PTK2: variants seen among roughly 807,000 people sequenced by gnomAD.
PTK2 encodes the protein focal adhesion kinase 1.
Under a neutral mutation model 150.1 loss-of-function variants are expected in PTK2, and 45 were observed. That is an observed-to-expected ratio of 0.30 (90% confidence interval 0.24 to 0.38). The LOEUF (loss-of-function observed/expected upper bound fraction) is 0.38, where lower values mean the gene tolerates loss of function less well. Ranked by LOEUF, PTK2 falls within the 10% of genes least tolerant of loss-of-function variation. The pLI is 1.00. For synonymous variants in PTK2, 432 were observed against 449.2 expected (o/e 0.96, Z 0.48); for missense variants, 919 against 1,307.3 (o/e 0.70, Z 4.58).
intron 1 of PTK2, among the ~76,000 whole-genome samples, chr8:140,930,753 A>T (rs912124470): frequency 6.6e-6 from 1 of 152,180 alleles, no homozygotes; most frequent in South Asian, 2.1e-4. Flanking sequence ...CCTGCATGGT[A>T]TATTTGCTGT....
intron 1 of PTK2, among the ~76,000 whole-genome samples, chr8:141,000,407 GC>G (rs944828315): frequency 6.6e-6 from 1 of 152,200 alleles, no homozygotes; most frequent in African/African-American, 2.4e-5. Context: ...ACCCTTGGCT[GC>G]CCGCGAGGCC....
intron 3 of PTK2, among the ~76,000 whole-genome samples, chr8:140,880,009 T>C (rs1463676552): frequency 2.0e-5 from 3 of 152,198 alleles, no homozygotes; most frequent in South Asian, 2.1e-4. Context: ...GTTACTACTT[T>C]CTAAGGTCCA....
chr8:140,820,094 T>G (rs1018332048), intron 8 of PTK2, among the ~76,000 whole-genome samples: 1 of 82,252 alleles, frequency 1.2e-5, no homozygotes, highest in Non-Finnish European at 2.3e-5. Context: ...TTTTTTTTTT[T>G]TTTTTTTTTT....
intron 4 of PTK2, among the ~76,000 whole-genome samples, chr8:140,866,610 C>T (rs72683787): frequency 0.069 from 10,448 of 152,206 alleles, 486 homozygotes; most frequent in Non-Finnish European, 0.092. Context: ...ACACAAAACA[C>T]CCAGAACAGT....
exon 24 of PTK2, chr8:140,706,177 C>G: frequency 6.2e-7 from 1 of 1,613,534 alleles, no homozygotes; most frequent in Non-Finnish European, 8.5e-7. Context: ...TTCGCTGGAC[C>G]TCGGACTGGG....
intron 1 of PTK2, among the ~76,000 whole-genome samples, chr8:140,996,849 A>G (rs2100197968): frequency 6.6e-6 from 1 of 152,228 alleles, no homozygotes; most frequent in South Asian, 2.1e-4. Flanking sequence ...TGTTAACACC[A>G]CATCCATTCT....
At chr8:140,965,603 G>A (rs1004745103) in intron 1 of PTK2, among the ~76,000 whole-genome samples, 4 of 152,160 alleles carry the variant, frequency 2.6e-5, no homozygotes, top group Admixed American at 6.6e-5. Context: ...TAGGCCAGGC[G>A]TGGTGGCTCA....
chr8:140,746,396 A>G (rs1405401002), intron 18 of PTK2: 3 of 171,236 alleles, frequency 1.8e-5, no homozygotes, highest in Non-Finnish European at 3.7e-5. Flanking sequence ...ACTTACCTAA[A>G]TTTAGCATTA....
chr8:140,943,986 G>A (rs1487585699), intron 1 of PTK2, among the ~76,000 whole-genome samples: 4 of 152,068 alleles, frequency 2.6e-5, no homozygotes, highest in Non-Finnish European at 1.5e-5. Flanking sequence ...TGAAGTGTTT[G>A]TATATTTTGT....
intron 24 of PTK2, among the ~76,000 whole-genome samples, chr8:140,704,643 G>C (rs906473180): frequency 6.6e-6 from 1 of 152,034 alleles, no homozygotes; most frequent in Admixed American, 6.6e-5. Flanking sequence ...GCACAGACTC[G>C]GGCTGTTCCC....
chr8:140,836,271 G>C (rs2100118608), intron 7 of PTK2, among the ~76,000 whole-genome samples: 1 of 152,090 alleles, frequency 6.6e-6, no homozygotes, highest in Non-Finnish European at 1.5e-5. Flanking sequence ...TTCACTTATA[G>C]TTTCCAGGAA....
In PTK2 at chr8:140,800,449, A is replaced by G. The variant is rs758057373; in HGVS notation, c.1093+10T>C. ...AGCGCAATTGGGAATGCTCAGAAAC[A>G]GCACCTCACCTTTCTGAGGTCTGAT... On this transcript the variant is annotated intron_variant, in intron 12 of 31. Transcript: ENST00000522684. 2 of 1,595,402 alleles carry G rather than the reference A, an allele frequency of 1.3e-6. No homozygotes were observed. The highest frequency in any genetic ancestry group is 2.2e-5 in the East Asian group (1 of 44,800).
At chr8:140,692,087 C>T (rs575919045) in intron 26 of PTK2, among the ~76,000 whole-genome samples, 3 of 152,270 alleles carry the variant, frequency 2.0e-5, no homozygotes, top group Non-Finnish European at 4.4e-5. Flanking sequence ...TTTCCATATA[C>T]ATTTCATGAA....
At position 140,745,567 on chromosome 8, in the gene PTK2, G is replaced by A. The variant is rs143339529; in HGVS notation, c.1519-800C>T. Among the ~76,000 whole-genome samples, 6 of 152,146 alleles carry A rather than the reference G, an allele frequency of 3.9e-5. No homozygotes were observed. In the East Asian group the frequency reaches 5.8e-4, roughly 15 times the overall value. On this transcript the variant is annotated intron_variant, in intron 18 of 31. Transcript: ENST00000522684. Reference sequence around the variant, plus strand: ...TGATGAAATCACACAATGCTCCCCCGGCCCAGTGTTTGATTCAGCAGGCCT... The same window carrying A: ...TGATGAAATCACACAATGCTCCCCCAGCCCAGTGTTTGATTCAGCAGGCCT...
At chr8:140,676,775 A>AAAAAAAAAAT (rs2100014077) in intron 27 of PTK2, among the ~76,000 whole-genome samples, 2 of 143,524 alleles carry the variant, frequency 1.4e-5, no homozygotes, top group South Asian at 4.4e-4. Context: ...TAAAAAAAAA[A>AAAAAAAAAAT]AAAAAAAAAA....
At position 140,680,825 on chromosome 8, in the gene PTK2, C is replaced by T. The variant is rs183866811; in HGVS notation, c.2563-5326G>A. 2.7e-3 allele frequency among the ~76,000 whole-genome samples: 410 copies of T among 152,138 alleles called. 2 individuals carry two copies. The highest frequency in any genetic ancestry group is 6.2e-3 in the Admixed American group (94 of 15,284). ...ACTAAAGAATGTCAGCCACTGTGCCCGACTGGGTGCTATTTTATATAGAAA... is the reference window on the plus strand; with the variant it reads ...ACTAAAGAATGTCAGCCACTGTGCCTGACTGGGTGCTATTTTATATAGAAA... On this transcript the variant is annotated intron_variant, in intron 27 of 31. Coordinates refer to ENST00000522684, the Ensembl canonical transcript of PTK2.
At chr8:140,803,380 G>A (rs968515540) in intron 11 of PTK2, among the ~76,000 whole-genome samples, 163 bp downstream of exon 11, 1 of 151,988 alleles carries the variant, frequency 6.6e-6, no homozygotes, top group African/African-American at 2.4e-5. Flanking sequence ...TATTCTTGGG[G>A]ACATTTAATC....
intron 23 of PTK2, 57 bp from the exon 27 acceptor site, chr8:140,706,262 C>T (rs1488448186): frequency 3.0e-6 from 4 of 1,313,696 alleles, no homozygotes; most frequent in African/African-American, 3.0e-5. Context: ...CAAACCTGTA[C>T]TTTATGAATC....
chr8:140,706,906 GTTC>G (rs2154152370), intron 23 of PTK2, among the ~76,000 whole-genome samples: 1 of 152,236 alleles, frequency 6.6e-6, no homozygotes, highest in South Asian at 2.1e-4. Context: ...GTACATGAAT[GTTC>G]TTAACAGCAT....
Sources: allele counts gnomAD v4.1 joint callset (sites outside exome capture counted in the v4.1 genomes callset), GRCh38; gene constraint gnomAD v4.1.1; transcripts MANE v1.5; gene names NCBI Gene and HGNC (gene_info 2026-07-23, HGNC 2026-07-21).